The following PSEN1 variants were observed in gnomAD, a reference collection of about 807,000 sequenced individuals.
PSEN1 encodes presenilin-1.
A neutral mutation model predicts 53.5 loss-of-function variants in PSEN1; 15 were observed. The observed-to-expected ratio is 0.28, with a 90% CI of 0.19 to 0.43. The LOEUF (loss-of-function observed/expected upper bound fraction) is 0.43. PSEN1 is among the 20% of genes least tolerant of loss of function. The probability of loss-of-function intolerance (pLI) is 1.00; values close to 1 mark genes in which losing one functional copy is unlikely to be tolerated. For synonymous variants in PSEN1, 208 were observed against 209.8 expected (o/e 0.99, Z 0.08); for missense variants, 387 against 571.2 (o/e 0.68, Z 3.29).
intron 7 of PSEN1, 98 bp downstream of exon 7, chr14:73,192,962 G>A (rs540788268): frequency 5.5e-5 from 51 of 930,662 alleles, no homozygotes; most frequent in South Asian, 5.1e-4. Context: ...AAATGGTAAC[G>A]TGTACATCCC....
chr14:73,193,930 T>C (rs1422451867), intron 7 of PSEN1, among the ~76,000 whole-genome samples: 2 of 152,168 alleles, frequency 1.3e-5, no homozygotes, highest in African/African-American at 4.8e-5. Flanking sequence ...GTATTGGGAT[T>C]ATAGGTGTGA....
intron 3 of PSEN1, among the ~76,000 whole-genome samples, chr14:73,151,977 T>A (rs1281112471): frequency 1.6e-5 from 2 of 127,444 alleles, no homozygotes; most frequent in African/African-American, 6.1e-5. Flanking sequence ...AGTGGCACGA[T>A]CTCGGCTCAC....
Position 73,206,393 on chromosome 14 carries a change from G to A in PSEN1, c.876G>A (p.Met292Ile), listed in dbSNP as rs1332096103. The A allele has an allele frequency of 6.2e-7, 1 of 1,613,888 alleles. No homozygotes were observed. The highest frequency in any genetic ancestry group is 1.7e-5 in the Admixed American group (1 of 60,018). Reference sequence around the variant, plus strand: ...TTTTGTCTTTCCCAACAGCAACAATGGTGTGGTTGGTGAATATGGCAGAAG... The same window carrying A: ...TTTTGTCTTTCCCAACAGCAACAATAGTGTGGTTGGTGAATATGGCAGAAG... ...LFPALIYSST[M>I]VWLVNMAEGD... Residue 292 changes from methionine (M) to isoleucine (I), a missense_variant, in exon 9 of 12, where the codon ATG becomes ATA. Transcript: ENST00000324501.
At chr14:73,187,469 T>G (rs907492538) in intron 6 of PSEN1, among the ~76,000 whole-genome samples, 3 of 152,190 alleles carry the variant, frequency 2.0e-5, no homozygotes, top group Admixed American at 6.5e-5. Context: ...GAAGAGGCAG[T>G]CAAACTAATA....
chr14:73,145,584 C>G (rs947863864), intron 1 of PSEN1, among the ~76,000 whole-genome samples: 4 of 150,722 alleles, frequency 2.7e-5, no homozygotes, highest in Non-Finnish European at 4.4e-5. Context: ...AGTAGTAACA[C>G]CCATCTCAGC....
intron 6 of PSEN1, among the ~76,000 whole-genome samples, chr14:73,189,087 G>A (rs1265190851): frequency 6.6e-6 from 1 of 152,120 alleles, no homozygotes; most frequent in Non-Finnish European, 1.5e-5. Flanking sequence ...CACTGTGCCT[G>A]GCTGAGATGA....
intron 1 of PSEN1, among the ~76,000 whole-genome samples, chr14:73,138,656 A>G (rs990683273): frequency 1.3e-5 from 2 of 151,788 alleles, no homozygotes; most frequent in African/African-American, 4.8e-5. Flanking sequence ...CTAGCCATAA[A>G]CACATTTTTA....
intron 8 of PSEN1, among the ~76,000 whole-genome samples, chr14:73,204,786 T>A (rs1027728932): frequency 3.0e-4 from 46 of 152,004 alleles, no homozygotes; most frequent in African/African-American, 1.1e-3. Context: ...CCTGTAATCC[T>A]AGCACTTTGG....
chr14:73,140,403 G>T (rs1896891777), intron 1 of PSEN1, among the ~76,000 whole-genome samples: 2 of 151,788 alleles, frequency 1.3e-5, no homozygotes, highest in African/African-American at 4.8e-5. Flanking sequence ...TAGAGGTGGG[G>T]TGTCACCATA....
At chr14:73,200,472 G>A (rs935940949) in intron 8 of PSEN1, among the ~76,000 whole-genome samples, 19 of 152,076 alleles carry the variant, frequency 1.2e-4, no homozygotes, top group African/African-American at 3.9e-4. Context: ...ATTTCACCAC[G>A]TTGGCCAGGC....
intron 7 of PSEN1, among the ~76,000 whole-genome samples, chr14:73,196,618 C>T (rs1002287732): frequency 2.6e-5 from 4 of 151,150 alleles, no homozygotes; most frequent in African/African-American, 9.7e-5. Flanking sequence ...GGACTATAGG[C>T]ACCTGCCACC....
chr14:73,201,504 G>C (rs1449709519), intron 8 of PSEN1, among the ~76,000 whole-genome samples: 1 of 152,244 alleles, frequency 6.6e-6, no homozygotes, highest in East Asian at 1.9e-4. Flanking sequence ...TAGAGTGATA[G>C]AACCAGAAGC....
At chr14:73,179,906 G>GTACT (rs1898156720) in intron 5 of PSEN1, among the ~76,000 whole-genome samples, 1 of 152,130 alleles carries the variant, frequency 6.6e-6, no homozygotes, top group Non-Finnish European at 1.5e-5. Flanking sequence ...AGAGTGGAAG[G>GTACT]TACTTACTCC....
intron 3 of PSEN1, among the ~76,000 whole-genome samples, chr14:73,162,827 A>C (rs1017474241): frequency 6.6e-6 from 1 of 152,228 alleles, no homozygotes. Context: ...TGTAGAAAGA[A>C]ACTTTGAAAG....
At chr14:73,218,702 GC>G (rs907785907) in intron 11 of PSEN1, among the ~76,000 whole-genome samples, 1 of 145,700 alleles carries the variant, frequency 6.9e-6, no homozygotes, top group Non-Finnish European at 1.5e-5. Context: ...GCATAGAGAA[GC>G]CCCCGCACAG....
intron 5 of PSEN1, among the ~76,000 whole-genome samples, chr14:73,184,084 C>T (rs1397850349): frequency 6.8e-5 from 9 of 132,368 alleles, no homozygotes; most frequent in South Asian, 2.5e-4. Context: ...CCAGACGGGG[C>T]GGCTGGCCGG....
intron 9 of PSEN1, among the ~76,000 whole-genome samples, chr14:73,209,927 C>T (rs1220530024): frequency 1.3e-5 from 2 of 152,234 alleles, no homozygotes; most frequent in Non-Finnish European, 2.9e-5. Context: ...AGATATTTAA[C>T]ATCCCTGGCC....
At chr14:73,216,575 A>G (rs778021679) in intron 10 of PSEN1, among the ~76,000 whole-genome samples, 54 of 152,136 alleles carry the variant, frequency 3.5e-4, no homozygotes, top group Admixed American at 8.5e-4. Context: ...CCTGACCAAC[A>G]TGGTGAAACC....
chr14:73,202,620 C>T lies in PSEN1; in HGVS notation c.869-3766C>T, dbSNP rs1384254062. ...CCCGAGTAGCTGGGACTCTAGGCGC[C>T]CGCCACCATGCCTGGCTAATTTTTT... On this transcript the variant is annotated intron_variant, in intron 8 of 11. Coordinates refer to ENST00000324501, the MANE Select transcript of PSEN1 (RefSeq NM_000021.4). 2.7e-5 allele frequency among the ~76,000 whole-genome samples: 4 copies of T among 149,498 alleles called. No homozygotes were observed. In the East Asian group the frequency reaches 7.9e-4, roughly 29 times the overall value.
Sources: allele counts gnomAD v4.1 joint callset (sites outside exome capture counted in the v4.1 genomes callset), GRCh38; gene constraint gnomAD v4.1.1; transcripts MANE v1.5; gene names NCBI Gene and HGNC (gene_info 2026-07-23, HGNC 2026-07-21).